GRHPR: variants seen among roughly 807,000 people sequenced by gnomAD.
GRHPR encodes the protein glyoxylate and hydroxypyruvate reductase.
Under a neutral mutation model 36.8 loss-of-function variants are expected in GRHPR, and 35 were observed. That is an observed-to-expected ratio of 0.95 (90% CI 0.73 to 1.26). The LOEUF (loss-of-function observed/expected upper bound fraction) is 1.26, where lower values mean the gene tolerates loss of function less well. GRHPR is among the 50% of genes most tolerant of loss of function. GRHPR has a pLI of 0.00. For synonymous variants in GRHPR, 179 were observed against 181.0 expected (o/e 0.99, Z 0.09); for missense variants, 380 against 435.0 (o/e 0.87, Z 1.12).
intron 8 of GRHPR, among the ~76,000 whole-genome samples, 191 bp from the exon 9 acceptor site, chr9:37,436,470 T>TA (rs1823654129): frequency 6.6e-6 from 1 of 152,138 alleles, no homozygotes; most frequent in Non-Finnish European, 1.5e-5. Context: ...GGCCCTTCAC[T>TA]CTGTTAGTCT....
chr9:37,433,768 T>C (rs1823494482), intron 8 of GRHPR: 1 of 293,524 alleles, frequency 3.4e-6, no homozygotes, highest in Non-Finnish European at 6.3e-6. Flanking sequence ...TGATTCTTTA[T>C]ATTAAGATCT....
rs34302950 is a variant in GRHPR at position 37,436,635 on chromosome 9, CCTCTCTCT to C, written c.866-16_866-9del. ...GCTGCTGAACCACCCTTCTTATCTC[CCTCTCTCT>C]CTCTCTCTCCTTTCCAGTGATTCTG... On this transcript the variant is annotated intron_variant, in intron 8 of 8. Transcript: ENST00000318158. 7.2e-6 allele frequency: 11 copies of C among 1,525,164 alleles called. No homozygotes were observed. Among genetic ancestry groups the C allele is most frequent in the East Asian group, 4.8e-5 (2 of 41,736 alleles). The allele number at this position is 1,525,164 out of a possible 1,614,324, so 94.5% of individuals were successfully genotyped here.
At chr9:37,429,697 G>T in intron 5 of GRHPR, 35 bp from the exon 6 acceptor site, 6 of 1,380,724 alleles carry the variant, frequency 4.3e-6, no homozygotes, top group Non-Finnish European at 6.2e-6. Context: ...CCCTTTGCGG[G>T]ACTGGGAACG....
intron 7 of GRHPR, chr9:37,431,564 G>C (rs1003193490): frequency 7.9e-6 from 2 of 252,918 alleles, no homozygotes; most frequent in African/African-American, 4.5e-5. Context: ...GGTTTAGACA[G>C]GTACCTGATA....
intron 8 of GRHPR, chr9:37,434,020 A>G: frequency 2.7e-6 from 1 of 376,428 alleles, no homozygotes. Context: ...ACAGCCAGGA[A>G]AACTGCCCTC....
In GRHPR at chr9:37,422,964, T is replaced by G. The variant is rs1822906660; in HGVS notation, c.83+131T>G. ...TTGGGGAGTCTCGGAGAAAGTTCTC[T>G]GGGGCCCAGTTCTCCTCTTAAGACG... On this transcript the variant is annotated intron_variant, in intron 1 of 8. Coordinates refer to ENST00000318158, the MANE Select transcript of GRHPR (RefSeq NM_012203.2). 3 of 662,634 alleles carry G rather than the reference T, an allele frequency of 4.5e-6. No individual in the cohort carries two copies. The South Asian group carries it at 5.5e-5, about 12-fold the overall frequency. The allele number at this position is 662,634 out of a possible 1,614,324, so 41.0% of individuals were successfully genotyped here. A position where few individuals can be genotyped will look rare whatever the true frequency, so the allele number is the denominator to read the frequency against.
intron 8 of GRHPR, chr9:37,434,939 GATTC>G (rs1054703022): frequency 6.6e-6 from 1 of 152,272 alleles, no homozygotes; most frequent in African/African-American, 2.4e-5. Flanking sequence ...GATTTATTCT[GATTC>G]ATTATATGTC....
chr9:37,424,700 G>A (rs1822990872), intron 1 of GRHPR, 145 bp from the exon 2 acceptor site: 4 of 901,354 alleles, frequency 4.4e-6, no homozygotes, highest in South Asian at 1.6e-5. Flanking sequence ...ACAGTTCTGA[G>A]ACCACCCCTG....
At chr9:37,424,559 G>A (rs1476305234) in intron 1 of GRHPR, among the ~76,000 whole-genome samples, 7 of 152,242 alleles carry the variant, frequency 4.6e-5, no homozygotes, top group South Asian at 2.1e-4. Context: ...CTGCTTGGCC[G>A]CCCAGCCCCT....
chr9:37,437,583 G>A (rs762014171), downstream of GRHPR, among the ~76,000 whole-genome samples: 10 of 152,150 alleles, frequency 6.6e-5, no homozygotes, highest in Non-Finnish European at 1.3e-4. Flanking sequence ...TGGTCAGAAC[G>A]ATTAGAGGTA....
chr9:37,437,042 T>G (rs1183005337), downstream of GRHPR: 1 of 430,178 alleles, frequency 2.3e-6, no homozygotes, highest in Non-Finnish European at 4.4e-6. Flanking sequence ...TGGCTGGGCA[T>G]GGTGACGCAC....
At chr9:37,431,958 C>G (rs1359361487) in intron 7 of GRHPR, 50 bp from the exon 8 acceptor site, 1 of 1,607,902 alleles carries the variant, frequency 6.2e-7, no homozygotes, top group South Asian at 1.1e-5. Flanking sequence ...TCAAAGGTGG[C>G]CTGGGCGGAG....
chr9:37,422,971 C>T, intron 1 of GRHPR, 138 bp downstream of exon 1: 1 of 643,230 alleles, frequency 1.6e-6, no homozygotes, highest in Non-Finnish European at 2.7e-6. Flanking sequence ...CTCTGGGGCC[C>T]AGTTCTCCTC....
chr9:37,422,719 C>CT lies in GRHPR; in HGVS notation c.-31dup, dbSNP rs1213800579. On this transcript the variant is annotated 5_prime_UTR_variant, in exon 1 of 9. Coordinates refer to ENST00000318158, the MANE Select transcript of GRHPR (RefSeq NM_012203.2). ...CTACATTCCCGGGCCAGCTTCTGTA[C>CT]TGCCAGGTCCGGGTCGGCGGCTGCA... The CT allele has an allele frequency of 3.9e-6, 6 of 1,519,628 alleles. No homozygotes were observed. The African/African-American group carries it at 6.9e-5, about 17-fold the overall frequency. 94.1% of individuals were successfully genotyped at this position (1,519,628 alleles called of 1,614,324 possible). A position where few individuals can be genotyped will look rare whatever the true frequency, so the allele number is the denominator to read the frequency against.
chr9:37,432,587 A>G, intron 8 of GRHPR: 1 of 229,962 alleles, frequency 4.3e-6, no homozygotes, highest in Non-Finnish European at 8.8e-6. Flanking sequence ...CTGAGGCAGA[A>G]GAATCGCTTG....
At chr9:37,429,016 A>G (rs1277929509) in intron 5 of GRHPR, 1 of 326,168 alleles carries the variant, frequency 3.1e-6, no homozygotes, top group East Asian at 7.8e-5. Flanking sequence ...AGGCAGAGAC[A>G]CTTTTCTTCC....
At chr9:37,422,554 A>C, upstream of GRHPR, 1 of 623,456 alleles carries the variant, frequency 1.6e-6, no homozygotes, top group Non-Finnish European at 2.9e-6. Flanking sequence ...GTGTAGGGTC[A>C]CTGTTACTGT....
intron 5 of GRHPR, chr9:37,428,904 G>C (rs141708617): frequency 4.6e-6 from 2 of 436,844 alleles, no homozygotes; most frequent in East Asian, 1.0e-4. Flanking sequence ...CCATTCCCCC[G>C]ACACCTACTC....
At chr9:37,434,139 C>G (rs1823518301) in intron 8 of GRHPR, 5 of 398,662 alleles carry the variant, frequency 1.3e-5, no homozygotes, top group Non-Finnish European at 2.2e-5. Flanking sequence ...GCAGCCGCCA[C>G]CGCTGCTTCT....
Sources: gnomAD v4.1 joint callset for allele counts (sites outside exome capture counted in the v4.1 genomes callset) on GRCh38, gnomAD v4.1.1 for gene constraint, MANE v1.5 for transcripts, NCBI Gene and HGNC (gene_info 2026-07-23, HGNC 2026-07-21) for gene names.